Variants in LAMA4 observed in about 807,000 individuals in gnomAD.
LAMA4 encodes laminin subunit alpha-4.
In LAMA4, 127 loss-of-function variants were observed where a neutral mutation model predicts 207.1. The ratio of observed to expected loss-of-function variants is 0.61; its 90% confidence interval spans 0.53 to 0.71. LAMA4 has a LOEUF of 0.71. Among genes scored for constraint, LAMA4 ranks in the 30% least tolerant of loss-of-function variants. The pLI is 0.00. For missense variants in LAMA4, 2,093 were observed against 2,246.5 expected (o/e 0.93, Z 1.38); for synonymous variants, 761 against 816.0 (o/e 0.93, Z 1.15).
chr6:112,140,025 T>C (rs1779597537), intron 22 of LAMA4, 140 bp from the exon 23 acceptor site: 1 of 816,726 alleles, frequency 1.2e-6, no homozygotes, highest in Non-Finnish European at 2.1e-6. Context: ...AGTGTGTTTA[T>C]GCCAAATCAT....
chr6:112,201,821 T>G, intron 4 of LAMA4, 133 bp from the exon 5 acceptor site: 1 of 807,068 alleles, frequency 1.2e-6, no homozygotes. Context: ...TTATTTAAAC[T>G]TGTACACATT....
chr6:112,189,497 T>G (rs1230604577), intron 6 of LAMA4, among the ~76,000 whole-genome samples: 1 of 152,204 alleles, frequency 6.6e-6, no homozygotes, highest in East Asian at 1.9e-4. Flanking sequence ...TGCAATTGCT[T>G]TAGTCCAAAA....
intron 38 of LAMA4, 67 bp from the exon 39 acceptor site, chr6:112,109,649 T>C: frequency 1.3e-6 from 2 of 1,503,752 alleles, no homozygotes; most frequent in East Asian, 4.5e-5. Context: ...TATTACTTCC[T>C]GGTAAAAGTA....
chr6:112,147,321 T>C (rs1361848911), intron 18 of LAMA4, among the ~76,000 whole-genome samples: 1 of 152,216 alleles, frequency 6.6e-6, no homozygotes, highest in Non-Finnish European at 1.5e-5. Flanking sequence ...AAGATCATTA[T>C]AAAAGAGCTA....
intron 9 of LAMA4, 107 bp downstream of exon 9, chr6:112,185,130 T>A: frequency 1.2e-6 from 1 of 801,074 alleles, no homozygotes; most frequent in South Asian, 1.3e-5. Context: ...GTCACTGCAT[T>A]TTTTCTGGGC....
chr6:112,182,837 A>G (rs1554345646), intron 9 of LAMA4, among the ~76,000 whole-genome samples: 1 of 152,124 alleles, frequency 6.6e-6, no homozygotes, highest in Admixed American at 6.5e-5. Flanking sequence ...GGAAAAGTAG[A>G]ATCTTGGCAC....
At chr6:112,155,170 G>A (rs556636553) in intron 15 of LAMA4, 397 of 607,518 alleles carry the variant, frequency 6.5e-4, no homozygotes, top group Admixed American at 6.1e-4. Context: ...AGTGAACCTA[G>A]AACAAAGCCC....
chr6:112,193,048 T>G (rs1783209320), intron 5 of LAMA4, among the ~76,000 whole-genome samples: 1 of 152,236 alleles, frequency 6.6e-6, no homozygotes, highest in Admixed American at 6.5e-5. Flanking sequence ...CACTCTCTTT[T>G]GCTGTGGACT....
At chr6:112,225,964 C>T (rs540140015) in intron 2 of LAMA4, among the ~76,000 whole-genome samples, 3 of 152,212 alleles carry the variant, frequency 2.0e-5, no homozygotes, top group South Asian at 2.1e-4. Context: ...CATGCCCTTG[C>T]GTCCTCCTGG....
chr6:112,121,761 T>C (rs1196108343), intron 32 of LAMA4: 1 of 413,920 alleles, frequency 2.4e-6, no homozygotes, highest in African/African-American at 2.0e-5. Flanking sequence ...TTTCCTTGAT[T>C]GTCTTTTCTT....
intron 31 of LAMA4, among the ~76,000 whole-genome samples, chr6:112,123,698 G>T (rs1387246244): frequency 1.3e-5 from 2 of 152,198 alleles, no homozygotes; most frequent in Non-Finnish European, 2.9e-5. Flanking sequence ...GCAGCAGCTC[G>T]TGCAGTTGGA....
At chr6:112,191,603 C>G in intron 6 of LAMA4, 33 bp downstream of exon 6, 1 of 1,504,208 alleles carries the variant, frequency 6.6e-7, no homozygotes, top group Non-Finnish European at 9.2e-7. Context: ...TCATGCTGGC[C>G]AGGCAGCTGG....
At chr6:112,115,269 T>G (rs2114560359) in intron 36 of LAMA4, among the ~76,000 whole-genome samples, 1 of 152,270 alleles carries the variant, frequency 6.6e-6, no homozygotes, top group Non-Finnish European at 1.5e-5. Flanking sequence ...TTGTGATGGC[T>G]CAATATAATT....
At chr6:112,178,287 T>A (rs1782141889) in intron 9 of LAMA4, 55 bp from the exon 10 acceptor site, 2 of 1,272,108 alleles carry the variant, frequency 1.6e-6, no homozygotes, top group Non-Finnish European at 1.1e-6. Context: ...GAATGTTGTA[T>A]AAGCACAGAT....
chr6:112,141,218 A>C (rs955612560), intron 21 of LAMA4, 140 bp downstream of exon 21: 4 of 915,294 alleles, frequency 4.4e-6, no homozygotes, highest in Non-Finnish European at 7.2e-6. Context: ...AAACGGAGCA[A>C]GAATAAAGGG....
chr6:112,247,815 T>C (rs1170251120), intron 2 of LAMA4, among the ~76,000 whole-genome samples: 1 of 152,188 alleles, frequency 6.6e-6, no homozygotes, highest in Non-Finnish European at 1.5e-5. Flanking sequence ...TTACTCACAG[T>C]AGCCAAAAGG....
chr6:112,138,476 T>C (rs1377705199), intron 24 of LAMA4, among the ~76,000 whole-genome samples: 1 of 152,176 alleles, frequency 6.6e-6, no homozygotes, highest in Non-Finnish European at 1.5e-5. Flanking sequence ...CTTAATTACA[T>C]TTTCTCACTA....
At chr6:112,158,709 C>T (rs782055221) in intron 14 of LAMA4, 23 bp downstream of exon 14, 1 of 1,601,788 alleles carries the variant, frequency 6.2e-7, no homozygotes, top group African/African-American at 1.3e-5. Flanking sequence ...TAGATATTTG[C>T]ATTTCTAAAA....
intron 2 of LAMA4, among the ~76,000 whole-genome samples, chr6:112,245,327 T>A (rs1399049007): frequency 6.6e-6 from 1 of 152,188 alleles, no homozygotes; most frequent in Admixed American, 6.5e-5. Flanking sequence ...AGTCCTAGCA[T>A]CCCAGGGCCT....
Sources: allele counts gnomAD v4.1 joint callset (sites outside exome capture counted in the v4.1 genomes callset), GRCh38; gene constraint gnomAD v4.1.1; transcripts MANE v1.5; gene names NCBI Gene and HGNC (gene_info 2026-07-23, HGNC 2026-07-21).